The following NAV1 variants were observed in gnomAD, a reference collection of about 807,000 sequenced individuals.
NAV1 encodes neuron navigator 1.
NAV1 carries 18 observed loss-of-function variants against 175.2 expected under a neutral mutation model. That is an observed-to-expected ratio of 0.10 (90% CI 0.07 to 0.15). The LOEUF (loss-of-function observed/expected upper bound fraction) is 0.15, where lower values mean the gene tolerates loss of function less well. Among genes scored for constraint, NAV1 ranks in the 10% least tolerant of loss-of-function variants. NAV1 has a pLI of 1.00. For missense variants in NAV1, 1,731 were observed against 2,436.6 expected, an observed-to-expected ratio of 0.71 and a Z score of 6.10; for synonymous variants, 897 against 978.7, an observed-to-expected ratio of 0.92 and a Z score of 1.56.
intron 2 of NAV1, among the ~76,000 whole-genome samples, chr1:201,589,684 G>A (rs975718261): frequency 6.6e-6 from 1 of 152,072 alleles, no homozygotes; most frequent in Admixed American, 6.6e-5. Flanking sequence ...TAGAGACAGA[G>A]TTTTGCCATG....
At chr1:201,743,449 C>A (rs528420158) in intron 3 of NAV1, among the ~76,000 whole-genome samples, 1 of 152,342 alleles carries the variant, frequency 6.6e-6, no homozygotes, top group South Asian at 2.1e-4. Context: ...TGTGACCTTA[C>A]AGAGATTGCA....
At chr1:201,675,388 G>A (rs7365555) in intron 1 of NAV1, among the ~76,000 whole-genome samples, 53,547 of 152,008 alleles carry the variant, frequency 0.35, 9,744 homozygotes, top group East Asian at 0.48. Flanking sequence ...CTTTCTGACC[G>A]GGCACTTCTT....
intron 3 of NAV1, among the ~76,000 whole-genome samples, chr1:201,734,723 CA>C (rs1673040067): frequency 6.6e-6 from 1 of 152,128 alleles, no homozygotes; most frequent in Admixed American, 6.5e-5. Context: ...CACTCACACA[CA>C]CCCTGGCATC....
At chr1:201,648,967 C>A (rs1669082234) in exon 1 of NAV1, 3 of 1,613,226 alleles carry the variant, frequency 1.9e-6, no homozygotes, top group South Asian at 2.2e-5. Context: ...CTCACGGACT[C>A]CGAGAAAAAG....
At chr1:201,675,623 C>T (rs755361645) in intron 1 of NAV1, among the ~76,000 whole-genome samples, 1 of 152,138 alleles carries the variant, frequency 6.6e-6, no homozygotes, top group Admixed American at 6.5e-5. Flanking sequence ...ATTTAAATAT[C>T]GTCTCTTTCC....
chr1:201,808,577 G>A lies in NAV1; in HGVS notation c.4005G>A (p.Leu1335=). ...AGGCCCTCAACTCTGCCCACCAACTGGATCAGCTTCGGGAGACCATGCACA... is the reference window on the plus strand; with the variant it reads ...AGGCCCTCAACTCTGCCCACCAACTAGATCAGCTTCGGGAGACCATGCACA... The change falls in exon 19 of 30, where the codon CTG becomes CTA. Residue 1335 remains leucine, a synonymous_variant. Transcript: ENST00000367296. This position sits in a 1 kb window ranked among gnomAD's most constrained non-coding sequence, Gnocchi z 5.5. 1 of 1,614,234 alleles carries A rather than the reference G, an allele frequency of 6.2e-7. No homozygotes were observed. Among genetic ancestry groups the A allele is most frequent in the Non-Finnish European group, 8.5e-7 (1 of 1,180,044 alleles).
Position 201,783,770 on chromosome 1 carries a change from C to T in NAV1, c.2722C>T (p.Pro908Ser), listed in dbSNP as rs368432928. The T allele has an allele frequency of 1.9e-5, 30 of 1,614,164 alleles. No individual in the cohort carries two copies. Among genetic ancestry groups the T allele is most frequent in the Non-Finnish European group, 2.5e-5 (30 of 1,180,042 alleles). The stretch of plus-strand genomic sequence containing the variant: ...CAGCAGTACTCCCGTCCCCACCCCA[C>T]CTGCTCCCCCTGCTGCTCCCACAGA... The change falls in exon 7 of 30, where the codon CCT becomes TCT. Residue 908 changes from proline (P) to serine (S), a missense_variant. Physicochemically the swap from Pro to Ser is moderately conservative, Grantham distance 74 (BLOSUM62 -1). This residue lies in a region of NAV1 where 634 missense variants were observed against 766.8 expected (regional missense o/e 0.83). Coordinates refer to ENST00000367296, the Ensembl canonical transcript of NAV1.
At chr1:201,762,439 G>A (rs138684562) in intron 3 of NAV1, among the ~76,000 whole-genome samples, 553 of 152,294 alleles carry the variant, frequency 3.6e-3, no homozygotes, top group African/African-American at 0.013. Context: ...TGGCCTGCAA[G>A]CTGAGAGTGG....
chr1:201,578,685 G>T (rs1230347218), intron 1 of NAV1, among the ~76,000 whole-genome samples: 2 of 152,196 alleles, frequency 1.3e-5, no homozygotes, highest in African/African-American at 2.4e-5. Flanking sequence ...GCCTGGTGAA[G>T]GTGAACTCTA....
At chr1:201,784,455 G>A (rs1028780141) in intron 7 of NAV1, among the ~76,000 whole-genome samples, 9 of 152,078 alleles carry the variant, frequency 5.9e-5, no homozygotes, top group African/African-American at 1.9e-4. Flanking sequence ...ACCACACCTG[G>A]CTGCCCAGAA....
chr1:201,803,594 A>T (rs766256283), exon 16 of NAV1: 1 of 1,613,272 alleles, frequency 6.2e-7, no homozygotes, highest in Non-Finnish European at 8.5e-7. Flanking sequence ...TGGCCCTAGA[A>T]CTTCGGATCA....
chr1:201,669,885 C>G (rs1669969182), intron 1 of NAV1, among the ~76,000 whole-genome samples: 1 of 152,082 alleles, frequency 6.6e-6, no homozygotes, highest in Non-Finnish European at 1.5e-5. Flanking sequence ...ACTGTGTTCC[C>G]TGAGCCCACA....
chr1:201,648,255 A>G (rs1171850992), exon 1 of NAV1: 1 of 1,029,412 alleles, frequency 9.7e-7, no homozygotes, highest in African/African-American at 1.7e-5. Flanking sequence ...TGTCCACGGG[A>G]CTGACAGGCA....
chr1:201,730,293 T>C (rs1672798285), intron 3 of NAV1, among the ~76,000 whole-genome samples: 1 of 152,194 alleles, frequency 6.6e-6, no homozygotes, highest in Non-Finnish European at 1.5e-5. Flanking sequence ...AATTTACAAG[T>C]GAAGAAATTG....
At chr1:201,803,167 G>C (rs1408418665) in intron 15 of NAV1, among the ~76,000 whole-genome samples, 5 of 152,134 alleles carry the variant, frequency 3.3e-5, no homozygotes, top group Admixed American at 1.3e-4. Flanking sequence ...TGGAATGCAG[G>C]GTACATGGCT....
upstream of NAV1, chr1:201,648,190 C>G (rs1196963094): frequency 2.0e-6 from 2 of 976,116 alleles, no homozygotes; most frequent in African/African-American, 1.8e-5. Flanking sequence ...CCTGCAGCCT[C>G]GACTCGGGCT....
At position 201,539,955 on chromosome 1, in the gene NAV1, A is replaced by C. The variant is rs1045196438; in HGVS notation, c.-144+613A>C. ...CGCCCAGTGCGTCTGGGAGCGGAGA[A>C]AGTGGTCCCGGAGGAGAGGGGAGAG... On this transcript the variant is annotated intron_variant, in intron 1 of 33. Transcript: ENST00000685211. This position sits in a 1 kb window ranked among gnomAD's most constrained non-coding sequence, Gnocchi z 5.6. 6.6e-6 allele frequency among the ~76,000 whole-genome samples: 1 copy of C among 152,146 alleles called. No individual in the cohort carries two copies. The highest frequency in any genetic ancestry group is 1.5e-5 in the Non-Finnish European group (1 of 67,998).
chr1:201,791,394 TC>T (rs1677105937), intron 13 of NAV1: 1 of 152,550 alleles, frequency 6.6e-6, no homozygotes, highest in South Asian at 2.1e-4. Flanking sequence ...TTAGAACGAG[TC>T]TATTTCTTTA....
chr1:201,804,328 A>G (rs752094750), intron 16 of NAV1, among the ~76,000 whole-genome samples, 161 bp from the exon 21 acceptor site: 18 of 152,166 alleles, frequency 1.2e-4, no homozygotes, highest in Non-Finnish European at 2.2e-4. Context: ...AAGCATCCCC[A>G]GGTGGACACG....
Sources: allele counts gnomAD v4.1 joint callset (sites outside exome capture counted in the v4.1 genomes callset), GRCh38; gene constraint gnomAD v4.1.1; regional missense constraint gnomAD v4.1.1; non-coding constraint Gnocchi (gnomAD v3.1); transcripts MANE v1.5; gene names NCBI Gene and HGNC (gene_info 2026-07-23, HGNC 2026-07-21).